FHIP1A: variants seen among roughly 807,000 people sequenced by gnomAD.
The protein encoded by FHIP1A is FHF complex subunit HOOK interacting protein 1A.
Under a neutral mutation model 88.6 loss-of-function variants are expected in FHIP1A, and 61 were observed. That is an observed-to-expected ratio of 0.69 (90% CI 0.56 to 0.85). FHIP1A has a LOEUF of 0.85. Among genes scored for constraint, FHIP1A ranks in the 40% least tolerant of loss-of-function variants. The pLI is 0.00. For missense variants in FHIP1A, 1,154 were observed against 1,273.5 expected, an observed-to-expected ratio of 0.91 and a Z score of 1.43; for synonymous variants, 478 against 496.0, an observed-to-expected ratio of 0.96 and a Z score of 0.48.
At chr4:151,582,799 A>G (rs1734073978) in intron 5 of FHIP1A, among the ~76,000 whole-genome samples, 2 of 152,232 alleles carry the variant, frequency 1.3e-5, no homozygotes, top group African/African-American at 4.8e-5. Context: ...ATGAAAGGCT[A>G]AAATAGTGGA....
At chr4:151,411,446 C>T (rs574460941) in intron 1 of FHIP1A, among the ~76,000 whole-genome samples, 10 of 150,636 alleles carry the variant, frequency 6.6e-5, no homozygotes, top group Non-Finnish European at 1.5e-4. Flanking sequence ...ATCTCCTGGG[C>T]TCAGGCAGTC....
intron 4 of FHIP1A, among the ~76,000 whole-genome samples, chr4:151,567,725 G>A (rs922237036): frequency 3.3e-5 from 5 of 152,034 alleles, no homozygotes; most frequent in Admixed American, 2.0e-4. Context: ...ACAAATTTCT[G>A]TTTTGTGTTT....
At chr4:151,460,536 A>C (rs781698431) in intron 2 of FHIP1A, among the ~76,000 whole-genome samples, 1 of 152,188 alleles carries the variant, frequency 6.6e-6, no homozygotes, top group Non-Finnish European at 1.5e-5. Flanking sequence ...CAAACCAAGC[A>C]AAGATTAAGT....
intron 4 of FHIP1A, among the ~76,000 whole-genome samples, chr4:151,573,158 G>A (rs746380642): frequency 2.0e-5 from 3 of 152,026 alleles, no homozygotes; most frequent in Non-Finnish European, 4.4e-5. Flanking sequence ...CTATAAATTC[G>A]ATATTTTTAA....
At chr4:151,496,677 C>G (rs1730472993) in intron 3 of FHIP1A, among the ~76,000 whole-genome samples, 2 of 145,548 alleles carry the variant, frequency 1.4e-5, no homozygotes, top group Non-Finnish European at 3.0e-5. Flanking sequence ...CTCAGTCACT[C>G]TAGTAGCTGG....
chr4:151,420,656 C>T (rs996767056), intron 1 of FHIP1A, among the ~76,000 whole-genome samples: 2 of 152,208 alleles, frequency 1.3e-5, no homozygotes, highest in Non-Finnish European at 2.9e-5. Context: ...TGTCCTTCTT[C>T]CCAATTAGAT....
At chr4:151,496,532 G>A (rs1730466924) in intron 3 of FHIP1A, among the ~76,000 whole-genome samples, 1 of 151,804 alleles carries the variant, frequency 6.6e-6, no homozygotes, top group Non-Finnish European at 1.5e-5. Flanking sequence ...CCTATAGTCA[G>A]GAATAGATTA....
chr4:151,555,775 A>G (rs1456665019), intron 3 of FHIP1A, among the ~76,000 whole-genome samples: 1 of 152,166 alleles, frequency 6.6e-6, no homozygotes, highest in Non-Finnish European at 1.5e-5. Flanking sequence ...ATTACCCTGA[A>G]GGCTGGCTGG....
chr4:151,456,553 C>A (rs906892896), intron 2 of FHIP1A, among the ~76,000 whole-genome samples: 15 of 152,200 alleles, frequency 9.9e-5, no homozygotes, highest in Middle Eastern at 3.4e-3. Flanking sequence ...TGGAAATGTA[C>A]CCTGATCCAC....
chr4:151,438,513 A>G (rs938438268), intron 1 of FHIP1A, among the ~76,000 whole-genome samples: 2 of 152,138 alleles, frequency 1.3e-5, no homozygotes, highest in Non-Finnish European at 2.9e-5. Context: ...TAACTAAAAA[A>G]CAAAAAAACA....
intron 1 of FHIP1A, among the ~76,000 whole-genome samples, chr4:151,431,833 T>A (rs1435496587): frequency 2.6e-5 from 4 of 152,218 alleles, no homozygotes; most frequent in Non-Finnish European, 5.9e-5. Context: ...GATGGATCAT[T>A]TAGCTGTGAA....
chr4:151,649,784 C>A lies in FHIP1A; in HGVS notation c.1743C>A (p.Asp581Glu). The A allele has an allele frequency of 1.3e-6, 2 of 1,551,680 alleles. No individual in the cohort carries two copies. The highest frequency in any genetic ancestry group is 1.7e-6 in the Non-Finnish European group (2 of 1,146,974). Residue 581 changes from aspartate to glutamate, a missense_variant, in exon 11 of 14, where the codon GAC (aspartate) becomes GAA (glutamate). By Grantham distance (45) the Asp-to-Glu change is conservative (BLOSUM62 2). Transcript: ENST00000435205. ...DKSQTELEWD[D>E]SYDTGISSGA... ...GCCAGACAGAGCTGGAATGGGATGACAGCTATGACACTGGAATCTCCTCAG... is the reference window on the plus strand; with the variant it reads ...GCCAGACAGAGCTGGAATGGGATGAAAGCTATGACACTGGAATCTCCTCAG...
chr4:151,591,291 G>A (rs1734417994), intron 7 of FHIP1A, among the ~76,000 whole-genome samples: 1 of 152,050 alleles, frequency 6.6e-6, no homozygotes, highest in African/African-American at 2.4e-5. Context: ...GGTTCCCAGT[G>A]AGAGCAGTCA....
At chr4:151,541,439 G>A (rs145491739) in intron 3 of FHIP1A, among the ~76,000 whole-genome samples, 249 of 152,168 alleles carry the variant, frequency 1.6e-3, no homozygotes, top group Middle Eastern at 6.8e-3. Flanking sequence ...TTTCCATCAC[G>A]AGAGCTCATT....
At position 151,546,808 on chromosome 4, in the gene FHIP1A, G is replaced by T. The variant is rs1732520073; in HGVS notation, c.-122-19330G>T. On this transcript the variant is annotated intron_variant, in intron 3 of 13. Coordinates refer to ENST00000435205, the MANE Select transcript of FHIP1A (RefSeq NM_001109977.3). The stretch of plus-strand genomic sequence containing the variant: ...GAAGGAGAACCATGAGAATATTTAG[G>T]TTTAATAACAGAGTCTTTATCTCAA... Among the ~76,000 whole-genome samples the T allele has an allele frequency of 3.9e-5, 6 of 152,252 alleles. No homozygotes were observed. The South Asian group carries it at 1.2e-3, about 32-fold the overall frequency.
In FHIP1A at chr4:151,662,583, C is replaced by G. The variant is rs1034675917; in HGVS notation, c.2952C>G (p.Thr984=). 26 of 1,551,430 alleles carry G rather than the reference C, an allele frequency of 1.7e-5. No homozygotes were observed. In the African/African-American group the frequency reaches 2.9e-4, roughly 17 times the overall value. ...GPPRVLQPFL[T]HRTKVAEAPP... ...CAAGAGTGCTTCAGCCCTTCCTGAC[C>G]CACAGAACCAAGGTGGCTGAGGCAC... The change falls in exon 14 of 14, where the codon ACC becomes ACG. Residue 984 remains threonine (T), a synonymous_variant. Coordinates refer to ENST00000435205, the MANE Select transcript of FHIP1A (RefSeq NM_001109977.3).
chr4:151,444,908 A>G (rs1482668794), intron 1 of FHIP1A, among the ~76,000 whole-genome samples: 1 of 152,208 alleles, frequency 6.6e-6, no homozygotes, highest in Non-Finnish European at 1.5e-5. Context: ...TTCTCACACC[A>G]ACCAATTCTT....
chr4:151,587,240 G>A (rs1359660079), intron 6 of FHIP1A, among the ~76,000 whole-genome samples: 1 of 152,184 alleles, frequency 6.6e-6, no homozygotes, highest in African/African-American at 2.4e-5. Flanking sequence ...TTTAGAAGAA[G>A]TTAAGCATTT....
At position 151,577,671 on chromosome 4, in the gene FHIP1A, G is replaced by A; in HGVS notation, c.327G>A (p.Glu109=). The A allele has an allele frequency of 6.4e-7, 1 of 1,551,654 alleles. No homozygotes were observed. Among genetic ancestry groups the A allele is most frequent in the South Asian group, 1.2e-5 (1 of 84,046 alleles). ...TTTTCCTTTGGAGCTTGAGAAGGGA[G>A]TTTACTGATGAGACTAAAATTGAGC... ...EKLFLWSLRR[E]FTDETKIEQL... Residue 109 remains glutamate, a synonymous_variant, in exon 5 of 14, where the codon GAG becomes GAA. Transcript: ENST00000435205.
Sources: allele counts gnomAD v4.1 joint callset (sites outside exome capture counted in the v4.1 genomes callset), GRCh38; gene constraint gnomAD v4.1.1; transcripts MANE v1.5; gene names NCBI Gene and HGNC (gene_info 2026-07-23, HGNC 2026-07-21).